Variants in PHACTR2 observed in about 807,000 individuals in gnomAD.
PHACTR2 encodes chromosome 6 open reading frame 56.
PHACTR2 carries 30 observed loss-of-function variants against 76.0 expected under a neutral mutation model. The observed-to-expected ratio is 0.39, with a 90% CI of 0.30 to 0.54. The LOEUF (loss-of-function observed/expected upper bound fraction) is 0.54, where lower values mean the gene tolerates loss of function less well. Among genes scored for constraint, PHACTR2 ranks in the 20% least tolerant of loss-of-function variants. The pLI is 0.61. For missense variants in PHACTR2, 696 were observed against 781.1 expected (o/e 0.89, Z 1.30); for synonymous variants, 292 against 292.5 (o/e 1.00, Z 0.02).
intron 1 of PHACTR2, among the ~76,000 whole-genome samples, chr6:143,566,884 A>C (rs1775371270): frequency 6.6e-6 from 1 of 152,026 alleles, no homozygotes; most frequent in African/African-American, 2.4e-5. Flanking sequence ...TTTAACATTA[A>C]TAACATTAGC....
chr6:143,613,257 G>A (rs951496451), intron 1 of PHACTR2, among the ~76,000 whole-genome samples: 26 of 152,264 alleles, frequency 1.7e-4, no homozygotes, highest in Non-Finnish European at 3.4e-4. Flanking sequence ...TTACAGGCGT[G>A]AGCCACCGCG....
In PHACTR2 at chr6:143,806,964, A is replaced by C. The variant is rs1052376568; in HGVS notation, c.1846-93A>C. The stretch of plus-strand genomic sequence containing the variant: ...AGAGCGAGACTCTATCTCTTAAAAA[A>C]AAAAAAAAGGTCTGCTTCATTGATG... On this transcript the variant is annotated intron_variant, in intron 11 of 12. Transcript: ENST00000440869. The surrounding 1 kb of genome is among the most constrained non-coding windows in gnomAD (Gnocchi z 5.8). The C allele has an allele frequency of 1.5e-6, 1 of 649,018 alleles. No individual in the cohort carries two copies. Among genetic ancestry groups the C allele is most frequent in the Non-Finnish European group, 2.6e-6 (1 of 379,220 alleles). The allele number at this position is 649,018 out of a possible 1,614,324, so 40.2% of individuals were successfully genotyped here. A position where few individuals can be genotyped will look rare whatever the true frequency, so the allele number is the denominator to read the frequency against.
chr6:143,685,506 G>A (rs2128454426), intron 1 of PHACTR2, among the ~76,000 whole-genome samples: 1 of 152,134 alleles, frequency 6.6e-6, no homozygotes, highest in East Asian at 1.9e-4. Flanking sequence ...TACTCTAAGT[G>A]CTTTACTTGA....
intron 1 of PHACTR2, among the ~76,000 whole-genome samples, chr6:143,634,873 G>A (rs1562254631): frequency 6.6e-6 from 1 of 152,076 alleles, no homozygotes; most frequent in Non-Finnish European, 1.5e-5. Flanking sequence ...AATTAGTGGG[G>A]CGTCACAAAT....
At chr6:143,741,688 T>C (rs966035977) in intron 2 of PHACTR2, among the ~76,000 whole-genome samples, 1 of 152,216 alleles carries the variant, frequency 6.6e-6, no homozygotes, top group African/African-American at 2.4e-5. Context: ...TCTTAAGTCC[T>C]GGCCAAGTTT....
chr6:143,612,164 T>G (rs9496702), intron 1 of PHACTR2, among the ~76,000 whole-genome samples: 1 of 152,152 alleles, frequency 6.6e-6, no homozygotes, highest in South Asian at 2.1e-4. Flanking sequence ...TGTGGGAGAT[T>G]CTATGGGATG....
chr6:143,704,874 G>A (rs1371717299), intron 1 of PHACTR2, among the ~76,000 whole-genome samples: 1 of 152,200 alleles, frequency 6.6e-6, no homozygotes, highest in Non-Finnish European at 1.5e-5. Flanking sequence ...AGTTGCCCAG[G>A]CTGGAGTGCA....
chr6:143,749,372 A>G (rs1009392061), intron 3 of PHACTR2, among the ~76,000 whole-genome samples: 2 of 152,162 alleles, frequency 1.3e-5, no homozygotes, highest in African/African-American at 4.8e-5. Context: ...TCTCTTCTCT[A>G]TTCTTGAGCT....
At position 143,751,952 on chromosome 6, in the gene PHACTR2, C is replaced by G. The variant is rs1712239867; in HGVS notation, c.296-1802C>G. ...TTCCCCTCTGTTTTGTTCTTGAATT[C>G]CATATTTATCACAAATGTGTCTCTT... On this transcript the variant is annotated intron_variant, in intron 3 of 12. Coordinates refer to ENST00000440869, the MANE Select transcript of PHACTR2 (RefSeq NM_001100164.2). This position sits in a 1 kb window ranked among gnomAD's most constrained non-coding sequence, Gnocchi z 5.7. 6.6e-6 allele frequency among the ~76,000 whole-genome samples: 1 copy of G among 152,092 alleles called. No homozygotes were observed. Among genetic ancestry groups the G allele is most frequent in the African/African-American group, 2.4e-5 (1 of 41,428 alleles).
At chr6:143,692,079 C>T (rs940882604) in intron 1 of PHACTR2, among the ~76,000 whole-genome samples, 4 of 152,130 alleles carry the variant, frequency 2.6e-5, no homozygotes, top group Non-Finnish European at 5.9e-5. Context: ...AAGAATTTTT[C>T]AGCCTCCCTA....
In PHACTR2 at chr6:143,757,963, G is replaced by GCACA. The variant is rs1184706755; in HGVS notation, c.455-2415_455-2412dup. Among the ~76,000 whole-genome samples the GCACA allele has an allele frequency of 1.1e-4, 14 of 131,620 alleles. No homozygotes were observed. Among genetic ancestry groups the GCACA allele is most frequent in the East Asian group, 6.2e-4 (3 of 4,802 alleles). 86.3% of individuals were successfully genotyped at this position (131,620 alleles called of 152,430 possible). ...CGTGTGTGTGCATGCACACGTGCGC[G>GCACA]CACACACACACACACACACACACAC... On this transcript the variant is annotated intron_variant, in intron 4 of 12. Coordinates refer to ENST00000440869, the MANE Select transcript of PHACTR2 (RefSeq NM_001100164.2). The surrounding 1 kb of genome is among the most constrained non-coding windows in gnomAD (Gnocchi z 4.2).
At position 143,830,276 on chromosome 6, in the gene PHACTR2, GTTTC is replaced by G. The variant is rs1776637943; in HGVS notation, c.*6591_*6594del. On this transcript the variant is annotated 3_prime_UTR_variant, in exon 13 of 13. Coordinates refer to ENST00000440869, the MANE Select transcript of PHACTR2 (RefSeq NM_001100164.2). ...TAGGACCTATTAAAAATTCAAACAA[GTTTC>G]TTTTTTTTTTTTTTTTTTCTGTGTA... The G allele has an allele frequency of 1.5e-5, 2 of 134,366 alleles. No homozygotes were observed. Among genetic ancestry groups the G allele is most frequent in the Non-Finnish European group, 3.2e-5 (2 of 62,288 alleles). The allele number at this position is 134,366 out of a possible 1,614,324, so 8.3% of individuals were successfully genotyped here.
rs561100797 is a variant in PHACTR2 at position 143,550,685 on chromosome 6, G to A, written c.217+13478G>A. ...AACCTCTAGTGTCCAGTGTCTAGAG[G>A]ACTGTACAATTAAGAGGCGGGAATA... is the stretch of plus-strand genomic sequence containing the variant. On this transcript the variant is annotated intron_variant, in intron 1 of 11. Coordinates refer to the PHACTR2 transcript ENST00000367584. This position sits in a 1 kb window ranked among gnomAD's most constrained non-coding sequence, Gnocchi z 4.8. 6.2e-4 allele frequency among the ~76,000 whole-genome samples: 94 copies of A among 152,002 alleles called. No homozygotes were observed. The highest frequency in any genetic ancestry group is 1.1e-3 in the Non-Finnish European group (73 of 67,936).
At position 143,610,966 on chromosome 6, in the gene PHACTR2, G is replaced by T. The variant is rs2128437655; in HGVS notation, c.13+2644G>T. ...AACAAGTCAAATAGATGGTGCTTTAGAATGGCACACCTGTGACTACAAGCA... is the reference window on the plus strand; with the variant it reads ...AACAAGTCAAATAGATGGTGCTTTATAATGGCACACCTGTGACTACAAGCA... On this transcript the variant is annotated intron_variant, in intron 1 of 11. Coordinates refer to the PHACTR2 transcript ENST00000305766. The surrounding 1 kb of genome is among the most constrained non-coding windows in gnomAD (Gnocchi z 4.9). 6.6e-6 allele frequency among the ~76,000 whole-genome samples: 1 copy of T among 152,016 alleles called. No individual in the cohort carries two copies. The highest frequency in any genetic ancestry group is 2.4e-5 in the African/African-American group (1 of 41,460).
rs530463402 is a variant in PHACTR2 at position 143,558,459 on chromosome 6, C to A, written c.217+21252C>A. On this transcript the variant is annotated intron_variant, in intron 1 of 11. Coordinates refer to the PHACTR2 transcript ENST00000367584. The surrounding 1 kb of genome is among the most constrained non-coding windows in gnomAD (Gnocchi z 4.7). ...ATTAGAAATATTAAATTTCTAAATT[C>A]ATATGTAGTAAAACTACTAGGTTTT... 3.3e-5 allele frequency among the ~76,000 whole-genome samples: 5 copies of A among 152,220 alleles called. No homozygotes were observed. The highest frequency in any genetic ancestry group is 3.3e-4 in the Admixed American group (5 of 15,290).
chr6:143,747,128 A>G (rs1284206154), intron 2 of PHACTR2, among the ~76,000 whole-genome samples: 1 of 152,250 alleles, frequency 6.6e-6, no homozygotes, highest in Non-Finnish European at 1.5e-5. Context: ...TATATTGTAC[A>G]TAAAATATAA....
intron 1 of PHACTR2, among the ~76,000 whole-genome samples, chr6:143,702,396 G>A (rs1024969360): frequency 5.3e-5 from 8 of 152,028 alleles, no homozygotes; most frequent in African/African-American, 1.4e-4. Flanking sequence ...CGTGAGCCAC[G>A]GCACCCAGCC....
chr6:143,665,133 G>A (rs537199431), intron 1 of PHACTR2, among the ~76,000 whole-genome samples: 12 of 152,294 alleles, frequency 7.9e-5, no homozygotes, highest in South Asian at 2.1e-4. Flanking sequence ...GGAATATCCT[G>A]TAGATGTTTT....
chr6:143,571,588 T>A lies in PHACTR2; in HGVS notation c.217+34381T>A, dbSNP rs1470980297. ...CACACCTGGTTAATTTTTTTTAAAA[T>A]TTTTTTATAGAGATGAGGTCTTGCT... On this transcript the variant is annotated intron_variant, in intron 1 of 11. Transcript: ENST00000367584. This position sits in a 1 kb window ranked among gnomAD's most constrained non-coding sequence, Gnocchi z 4.6. 2.0e-5 allele frequency among the ~76,000 whole-genome samples: 3 copies of A among 151,994 alleles called. No homozygotes were observed. The highest frequency in any genetic ancestry group is 6.6e-5 in the Admixed American group (1 of 15,254).
Sources: gnomAD v4.1 joint callset for allele counts (sites outside exome capture counted in the v4.1 genomes callset) on GRCh38, gnomAD v4.1.1 for gene constraint, Gnocchi (gnomAD v3.1) non-coding constraint, MANE v1.5 for transcripts, NCBI Gene and HGNC (gene_info 2026-07-23, HGNC 2026-07-21) for gene names.